Variants in DYNC1I1 observed in about 807,000 individuals in gnomAD.
DYNC1I1 encodes the protein cytoplasmic dynein 1 intermediate chain 1.
A neutral mutation model predicts 86.6 loss-of-function variants in DYNC1I1; 43 were observed. That is an observed-to-expected ratio of 0.50 (90% CI 0.39 to 0.64). DYNC1I1 has a LOEUF of 0.64. Among genes scored for constraint, DYNC1I1 ranks in the 30% least tolerant of loss-of-function variants. DYNC1I1 has a pLI of 0.00. For synonymous variants in DYNC1I1, 262 were observed against 283.7 expected, an observed-to-expected ratio of 0.92 and a Z score of 0.77; for missense variants, 604 against 788.8, an observed-to-expected ratio of 0.77 and a Z score of 2.81.
intron 1 of DYNC1I1, among the ~76,000 whole-genome samples, chr7:95,786,991 A>G (rs1282651798): frequency 6.6e-6 from 1 of 152,180 alleles, no homozygotes; most frequent in Non-Finnish European, 1.5e-5. Flanking sequence ...GCTGATCAGG[A>G]CCAGCAGTTA....
At chr7:95,824,456 G>A (rs1795161273) in intron 4 of DYNC1I1, among the ~76,000 whole-genome samples, 1 of 152,054 alleles carries the variant, frequency 6.6e-6, no homozygotes, top group Non-Finnish European at 1.5e-5. Context: ...CATTGATTGA[G>A]CCATGCCAGA....
chr7:95,891,898 A>G (rs1790749072), intron 6 of DYNC1I1, among the ~76,000 whole-genome samples: 1 of 152,024 alleles, frequency 6.6e-6, no homozygotes, highest in Non-Finnish European at 1.5e-5. Context: ...AATTTCAAGT[A>G]TCCTATAGTG....
At chr7:95,964,560 A>G (rs1792958530) in intron 6 of DYNC1I1, among the ~76,000 whole-genome samples, 1 of 152,214 alleles carries the variant, frequency 6.6e-6, no homozygotes, top group South Asian at 2.1e-4. Context: ...AAGAAGAGAG[A>G]CAGTCTTTGC....
intron 4 of DYNC1I1, among the ~76,000 whole-genome samples, chr7:95,813,586 A>G (rs1794881720): frequency 1.3e-5 from 2 of 152,090 alleles, no homozygotes; most frequent in Non-Finnish European, 2.9e-5. Context: ...TTGCTTAACA[A>G]ACACACACAT....
intron 6 of DYNC1I1, among the ~76,000 whole-genome samples, chr7:95,958,200 A>C (rs1792770281): frequency 1.3e-5 from 2 of 152,232 alleles, no homozygotes; most frequent in South Asian, 4.1e-4. Context: ...AGACTCTCAA[A>C]GGATTCTAGA....
At chr7:96,079,068 T>G (rs1171526120) in intron 15 of DYNC1I1, among the ~76,000 whole-genome samples, 2 of 152,094 alleles carry the variant, frequency 1.3e-5, no homozygotes, top group South Asian at 4.1e-4. Flanking sequence ...ATACAGTGAT[T>G]TAAGCGGGTG....
chr7:95,975,022 A>G (rs943548461), intron 6 of DYNC1I1, among the ~76,000 whole-genome samples: 3 of 152,204 alleles, frequency 2.0e-5, no homozygotes, highest in Non-Finnish European at 4.4e-5. Context: ...GCAGAGCCAG[A>G]CAGAACTTGA....
chr7:95,776,332 A>G (rs1793839533), intron 1 of DYNC1I1, among the ~76,000 whole-genome samples: 1 of 152,164 alleles, frequency 6.6e-6, no homozygotes, highest in Non-Finnish European at 1.5e-5. Context: ...ACCTCTGCCT[A>G]GGTGCTAATC....
At chr7:95,873,156 C>G (rs899033903) in intron 6 of DYNC1I1, among the ~76,000 whole-genome samples, 1 of 152,152 alleles carries the variant, frequency 6.6e-6, no homozygotes, top group African/African-American at 2.4e-5. Context: ...ATCTTGTGGT[C>G]AAGGTTTAAT....
intron 6 of DYNC1I1, among the ~76,000 whole-genome samples, chr7:95,957,253 A>G (rs1405644747): frequency 6.6e-6 from 1 of 152,198 alleles, no homozygotes; most frequent in Non-Finnish European, 1.5e-5. Flanking sequence ...TGTCAGAGGA[A>G]GTTGTGAGTT....
chr7:95,812,578 G>A (rs1423416462), intron 3 of DYNC1I1, among the ~76,000 whole-genome samples: 2 of 152,168 alleles, frequency 1.3e-5, no homozygotes, highest in Non-Finnish European at 2.9e-5. Flanking sequence ...CCCAAAGACA[G>A]TAAACAGTAC....
At chr7:95,927,298 G>A (rs1791771696) in intron 6 of DYNC1I1, among the ~76,000 whole-genome samples, 1 of 152,052 alleles carries the variant, frequency 6.6e-6, no homozygotes, top group African/African-American at 2.4e-5. Context: ...TCAAAAAGTT[G>A]TCAGTCTAGT....
chr7:96,000,750 A>G (rs569481615), intron 10 of DYNC1I1, among the ~76,000 whole-genome samples: 5 of 152,300 alleles, frequency 3.3e-5, no homozygotes, highest in African/African-American at 9.6e-5. Context: ...CTTCTCCAAA[A>G]AGCAACTCAT....
intron 2 of DYNC1I1, among the ~76,000 whole-genome samples, chr7:95,806,116 G>C (rs572393155): frequency 3.9e-5 from 6 of 152,228 alleles, no homozygotes; most frequent in Non-Finnish European, 5.9e-5. Flanking sequence ...AATTGACAAG[G>C]AATGGCTATT....
At chr7:95,987,344 G>A (rs1389681298) in intron 9 of DYNC1I1, among the ~76,000 whole-genome samples, 189 bp downstream of exon 9, 3 of 152,046 alleles carry the variant, frequency 2.0e-5, no homozygotes, top group Admixed American at 6.5e-5. Flanking sequence ...TACCTACTAT[G>A]TGCTAGGTAC....
At chr7:95,896,970 C>T (rs1001925372) in intron 6 of DYNC1I1, among the ~76,000 whole-genome samples, 9 of 152,076 alleles carry the variant, frequency 5.9e-5, no homozygotes, top group Non-Finnish European at 1.2e-4. Flanking sequence ...AATACTTGTT[C>T]GATGCCATTG....
chr7:95,840,492 G>C (rs1409575203), intron 5 of DYNC1I1, among the ~76,000 whole-genome samples: 1 of 151,974 alleles, frequency 6.6e-6, no homozygotes, highest in African/African-American at 2.4e-5. Flanking sequence ...CCTAACTATT[G>C]TGAACATCTT....
chr7:95,857,633 G>GT (rs1032784875), intron 5 of DYNC1I1, among the ~76,000 whole-genome samples: 18 of 152,162 alleles, frequency 1.2e-4, no homozygotes, highest in African/African-American at 4.1e-4. Flanking sequence ...CTCTTATCCT[G>GT]TCCTTGAATG....
intron 6 of DYNC1I1, among the ~76,000 whole-genome samples, chr7:95,972,776 C>T (rs1008749944): frequency 6.6e-6 from 1 of 152,230 alleles, no homozygotes; most frequent in Middle Eastern, 3.4e-3. Flanking sequence ...GGCAAAGGGT[C>T]GAGCCTCGTG....
Sources: allele counts gnomAD v4.1 joint callset (sites outside exome capture counted in the v4.1 genomes callset), GRCh38; gene constraint gnomAD v4.1.1; transcripts MANE v1.5; gene names NCBI Gene and HGNC (gene_info 2026-07-23, HGNC 2026-07-21).